The following NAV3 variants were observed in gnomAD, a reference collection of about 807,000 sequenced individuals.
The protein encoded by NAV3 is pore membrane and/or filament interacting like protein 1.
In NAV3, 87 loss-of-function variants were observed where a neutral mutation model predicts 244.7. That is an observed-to-expected ratio of 0.36 (90% CI 0.30 to 0.42). NAV3 has a LOEUF of 0.42. NAV3 is among the 20% of genes least tolerant of loss of function. The pLI is 1.00. For synonymous variants in NAV3, 1,126 were observed against 1,042.2 expected (o/e 1.08, Z -1.55); for missense variants, 2,663 against 2,893.3 (o/e 0.92, Z 1.83).
chr12:77,828,853 G>A (rs569171817), upstream of NAV3, among the ~76,000 whole-genome samples: 1 of 152,002 alleles, frequency 6.6e-6, no homozygotes, highest in Non-Finnish European at 1.5e-5. Context: ...CAGGAATTAC[G>A]ATACATTCTC....
At chr12:77,663,523 T>TTC (rs1210082499) in intron 2 of NAV3, among the ~76,000 whole-genome samples, 1 of 92,618 alleles carries the variant, frequency 1.1e-5, no homozygotes, top group South Asian at 2.8e-4. Flanking sequence ...CTTCTTCTTC[T>TTC]TTTTTTTTTT....
chr12:78,157,356 C>G (rs947747915), intron 22 of NAV3, among the ~76,000 whole-genome samples: 1 of 150,498 alleles, frequency 6.6e-6, no homozygotes, highest in Admixed American at 6.6e-5. Flanking sequence ...TGGAGAGTAA[C>G]CCAGGCAACA....
rs1047120789 is a variant in NAV3 at position 77,610,652 on chromosome 12, C to T, written c.72+38386C>T. Among the ~76,000 whole-genome samples, 7 of 152,012 alleles carry T rather than the reference C, an allele frequency of 4.6e-5. No homozygotes were observed. The South Asian group carries it at 6.2e-4, about 14-fold the overall frequency. ...CTAGAGACCTGGAATCAGCTGGACT[C>T]CATTTATTGACACTCAGAATTTCAA... On this transcript the variant is annotated intron_variant, in intron 2 of 8. Coordinates refer to the NAV3 transcript ENST00000550042.
chr12:77,730,733 A>G (rs1442153474), intron 2 of NAV3, among the ~76,000 whole-genome samples: 1 of 151,724 alleles, frequency 6.6e-6, no homozygotes, highest in African/African-American at 2.4e-5. Flanking sequence ...TTCCAGATTA[A>G]AAGTGCCCAT....
intron 14 of NAV3, 52 bp from the exon 15 acceptor site, chr12:78,119,185 G>T: frequency 6.8e-7 from 1 of 1,461,580 alleles, no homozygotes; most frequent in South Asian, 1.3e-5. Context: ...CACGAAGTGT[G>T]GTGATATCAA....
intron 2 of NAV3, among the ~76,000 whole-genome samples, chr12:77,787,101 G>A (rs1029160725): frequency 2.0e-5 from 3 of 152,076 alleles, no homozygotes; most frequent in Non-Finnish European, 4.4e-5. Context: ...AAGCAGAGAA[G>A]TTCTTATGTG....
chr12:77,730,395 T>TA (rs1203001978), intron 2 of NAV3, among the ~76,000 whole-genome samples: 13 of 150,918 alleles, frequency 8.6e-5, no homozygotes, highest in South Asian at 2.1e-4. Context: ...TTCCGGAAAC[T>TA]AAAAAAAACA....
chr12:78,203,330 C>T (rs1959930526), intron 38 of NAV3, among the ~76,000 whole-genome samples: 1 of 151,956 alleles, frequency 6.6e-6, no homozygotes, highest in Non-Finnish European at 1.5e-5. Context: ...TTAAGCTTTC[C>T]AAGAATTATA....
At chr12:78,123,353 T>TA (rs149234279) in intron 16 of NAV3, among the ~76,000 whole-genome samples, 1 of 151,544 alleles carries the variant, frequency 6.6e-6, no homozygotes, top group Non-Finnish European at 1.5e-5. Flanking sequence ...ATTTTTTTTT[T>TA]ATTTTTATTT....
At chr12:78,163,514 G>A (rs1270780264) in intron 23 of NAV3, among the ~76,000 whole-genome samples, 2 of 152,084 alleles carry the variant, frequency 1.3e-5, no homozygotes, top group African/African-American at 4.8e-5. Flanking sequence ...GTTGCACTGA[G>A]CTGAGATCAT....
intron 8 of NAV3, among the ~76,000 whole-genome samples, chr12:78,020,843 A>G (rs1877027693): frequency 6.6e-6 from 1 of 152,106 alleles, no homozygotes. Flanking sequence ...ACCTACTACC[A>G]GAAAAAAAAA....
At chr12:78,134,807 T>C (rs1956304921) in intron 18 of NAV3, among the ~76,000 whole-genome samples, 1 of 152,134 alleles carries the variant, frequency 6.6e-6, no homozygotes, top group South Asian at 2.1e-4. Flanking sequence ...TTATATAGGA[T>C]CCTGTTTTCC....
chr12:77,758,009 A>C (rs1869269312), intron 2 of NAV3, among the ~76,000 whole-genome samples: 1 of 152,164 alleles, frequency 6.6e-6, no homozygotes, highest in South Asian at 2.1e-4. Context: ...ACTTTGCTTC[A>C]ACTACCTTGG....
In NAV3 at chr12:78,128,740, G is replaced by A. The variant is rs747945999; in HGVS notation, c.4315G>A (p.Glu1439Lys). The A allele has an allele frequency of 1.2e-6, 2 of 1,613,766 alleles. No homozygotes were observed. The highest frequency in any genetic ancestry group is 1.3e-5 in the African/African-American group (1 of 74,910). Reference protein sequence around the residue: ...TPSSRQANQEEGKEWLRSHST... With the variant: ...TPSSRQANQEKGKEWLRSHST... ...ATCATCTCGGCAGGCCAACCAAGAA[G>A]AGGGCAAAGAGTGGTTGCGTTCTCA... The change falls in exon 18 of 40, where the codon GAG becomes AAG. Residue 1439 changes from glutamate to lysine, a missense_variant. By Grantham distance (56) the Glu-to-Lys change is moderately conservative. This residue lies in a region of NAV3 where 354 missense variants were observed against 413.0 expected (regional missense o/e 0.86). Transcript: ENST00000397909.
At chr12:78,129,462 C>G (rs1956068320) in intron 18 of NAV3, among the ~76,000 whole-genome samples, 1 of 151,968 alleles carries the variant, frequency 6.6e-6, no homozygotes. Context: ...CAAATAGATA[C>G]AATGAAAAAT....
intron 1 of NAV3, among the ~76,000 whole-genome samples, chr12:77,908,117 A>T (rs562255815): frequency 6.6e-6 from 1 of 152,102 alleles, no homozygotes; most frequent in Non-Finnish European, 1.5e-5. Context: ...ATTTTAAAAC[A>T]TAATGAGCTG....
In NAV3 at chr12:78,128,703, C is replaced by T. The variant is rs1956031993; in HGVS notation, c.4281-3C>T. Reference sequence around the variant, plus strand: ...TAAGTGTCATAGCTGTGCTGTTTTGCAGATATACCCCATCATCTCGGCAGG... The same window carrying T: ...TAAGTGTCATAGCTGTGCTGTTTTGTAGATATACCCCATCATCTCGGCAGG... On this transcript the variant is annotated splice_polypyrimidine_tract_variant and splice_region_variant and intron_variant, in intron 17 of 39. Coordinates refer to ENST00000397909, the MANE Select transcript of NAV3 (RefSeq NM_001024383.2). 6.2e-7 allele frequency: 1 copy of T among 1,612,564 alleles called. No individual in the cohort carries two copies. The highest frequency in any genetic ancestry group is 8.5e-7 in the Non-Finnish European group (1 of 1,179,352).
intron 12 of NAV3, among the ~76,000 whole-genome samples, chr12:78,108,452 T>C (rs1001052541): frequency 2.6e-5 from 4 of 152,240 alleles, no homozygotes; most frequent in African/African-American, 9.6e-5. Context: ...TTAGACCAAA[T>C]GGACCTAACA....
intron 28 of NAV3, among the ~76,000 whole-genome samples, chr12:78,178,160 GTTTTT>G (rs3054763): frequency 8.3e-6 from 1 of 120,568 alleles, no homozygotes; most frequent in African/African-American, 2.9e-5. Flanking sequence ...TCAAAATAGT[GTTTTT>G]TTTTTTTTTT....
Sources: allele counts gnomAD v4.1 joint callset (sites outside exome capture counted in the v4.1 genomes callset), GRCh38; gene constraint gnomAD v4.1.1; regional missense constraint gnomAD v4.1.1; transcripts MANE v1.5; gene names NCBI Gene and HGNC (gene_info 2026-07-23, HGNC 2026-07-21).